Variants in FIP1L1 observed in about 807,000 individuals in gnomAD.
FIP1L1 encodes the protein pre-mRNA 3'-end-processing factor FIP1.
A neutral mutation model predicts 84.6 loss-of-function variants in FIP1L1; 21 were observed. The observed-to-expected ratio is 0.25, with a 90% CI of 0.18 to 0.36. FIP1L1 has a LOEUF of 0.36. FIP1L1 is among the 10% of genes least tolerant of loss of function. The pLI is 1.00. For missense variants in FIP1L1, 526 were observed against 751.1 expected, an observed-to-expected ratio of 0.70 and a Z score of 3.50; for synonymous variants, 263 against 242.3, an observed-to-expected ratio of 1.09 and a Z score of -0.80.
At chr4:53,416,617 G>T (rs533373078) in intron 11 of FIP1L1, among the ~76,000 whole-genome samples, 2 of 152,136 alleles carry the variant, frequency 1.3e-5, no homozygotes, top group African/African-American at 4.8e-5. Flanking sequence ...TGCTTTTCTG[G>T]CTTGTAGTAC....
At chr4:53,392,441 A>G (rs1744751725) in intron 9 of FIP1L1, among the ~76,000 whole-genome samples, 1 of 152,222 alleles carries the variant, frequency 6.6e-6, no homozygotes, top group Non-Finnish European at 1.5e-5. Context: ...TTTAATTTAC[A>G]TCCTACTTTG....
chr4:53,405,332 T>G (rs1752704193), intron 10 of FIP1L1, among the ~76,000 whole-genome samples: 1 of 152,110 alleles, frequency 6.6e-6, no homozygotes, highest in African/African-American at 2.4e-5. Flanking sequence ...CATGCGGCAT[T>G]ATTTCTGAGG....
chr4:53,390,776 TA>T, intron 7 of FIP1L1, 148 bp downstream of exon 7: 1 of 626,834 alleles, frequency 1.6e-6, no homozygotes, highest in Non-Finnish European at 2.7e-6. Context: ...TTGGGATTAT[TA>T]AATCTTACTG....
intron 15 of FIP1L1, among the ~76,000 whole-genome samples, chr4:53,451,704 T>C (rs1337922933): frequency 2.0e-5 from 3 of 152,106 alleles, no homozygotes; most frequent in South Asian, 2.1e-4. Flanking sequence ...TTCTAACTTA[T>C]ATCCTATTGT....
intron 10 of FIP1L1, among the ~76,000 whole-genome samples, chr4:53,404,721 C>A (rs1201949037): frequency 6.6e-6 from 1 of 151,732 alleles, no homozygotes; most frequent in African/African-American, 2.4e-5. Flanking sequence ...GTGTGAGATG[C>A]TATCTCATTG....
rs1278758811 is a variant in FIP1L1, at chr4:53,445,819, G to C, written c.1285+1716G>C. 4.6e-5 allele frequency among the ~76,000 whole-genome samples: 7 copies of C among 152,228 alleles called. No homozygotes were observed. The South Asian group carries it at 8.3e-4, about 18-fold the overall frequency. On this transcript the variant is annotated intron_variant, in intron 15 of 17. Transcript: ENST00000337488. The stretch of plus-strand genomic sequence containing the variant: ...TTAGGCAAATTAGGGAGGGCGGGAA[G>C]CTTTTCTTGTATCTGCATCTGTTCA...
chr4:53,439,894 A>G (rs753909160), intron 13 of FIP1L1, among the ~76,000 whole-genome samples: 1 of 152,040 alleles, frequency 6.6e-6, no homozygotes, highest in Non-Finnish European at 1.5e-5. Context: ...AAAAATATAC[A>G]TAGTTTATTC....
intron 17 of FIP1L1, 89 bp downstream of exon 17, chr4:53,458,879 C>A: frequency 7.0e-7 from 1 of 1,424,834 alleles, no homozygotes; most frequent in African/African-American, 1.4e-5. Context: ...AAATTTTGGC[C>A]TATGAACCAG....
chr4:53,414,990 CTT>C (rs1758836667), intron 11 of FIP1L1, among the ~76,000 whole-genome samples: 1 of 150,756 alleles, frequency 6.6e-6, no homozygotes, highest in Non-Finnish European at 1.5e-5. Flanking sequence ...TTTTCGTTCT[CTT>C]GCTGCAGGTT....
chr4:53,430,301 A>G (rs1409806758), intron 13 of FIP1L1, among the ~76,000 whole-genome samples: 1 of 148,352 alleles, frequency 6.7e-6, no homozygotes, highest in African/African-American at 2.5e-5. Flanking sequence ...AGGCAGTAGC[A>G]TTATCTGGAA....
At chr4:53,411,596 G>A (rs1217483335) in intron 10 of FIP1L1, among the ~76,000 whole-genome samples, 1 of 152,054 alleles carries the variant, frequency 6.6e-6, no homozygotes, top group Non-Finnish European at 1.5e-5. Context: ...TATAATACAG[G>A]GTGCACAGTA....
At chr4:53,385,593 CTAAA>C (rs756925134) in intron 5 of FIP1L1, among the ~76,000 whole-genome samples, 6 of 152,046 alleles carry the variant, frequency 3.9e-5, no homozygotes, top group Admixed American at 3.3e-4. Flanking sequence ...TGGTTATTGA[CTAAA>C]TAAACTGAAT....
intron 9 of FIP1L1, among the ~76,000 whole-genome samples, chr4:53,397,875 A>G (rs574002813): frequency 6.6e-6 from 1 of 152,286 alleles, no homozygotes; most frequent in Admixed American, 6.5e-5. Context: ...ATTAGGGGAA[A>G]TTAGTAGTTT....
At chr4:53,448,184 A>T (rs1775005751) in intron 15 of FIP1L1, among the ~76,000 whole-genome samples, 1 of 152,014 alleles carries the variant, frequency 6.6e-6, no homozygotes, top group Non-Finnish European at 1.5e-5. Flanking sequence ...TCTGAAATTA[A>T]TTTTTTAGGT....
At chr4:53,424,036 GCTAT>G (rs1210619522) in intron 11 of FIP1L1, among the ~76,000 whole-genome samples, 1 of 152,122 alleles carries the variant, frequency 6.6e-6, no homozygotes, top group Non-Finnish European at 1.5e-5. Context: ...TGGAGAATTT[GCTAT>G]CTGACTTGCA....
intron 7 of FIP1L1, 83 bp from the exon 8 acceptor site, chr4:53,390,926 A>G: frequency 2.6e-6 from 3 of 1,141,566 alleles, no homozygotes; most frequent in Admixed American, 5.7e-5. Flanking sequence ...CTAAATTTAT[A>G]TTTTTATAGT....
intron 16 of FIP1L1, among the ~76,000 whole-genome samples, chr4:53,455,557 G>A (rs1369740624): frequency 1.3e-5 from 2 of 152,054 alleles, no homozygotes; most frequent in East Asian, 3.9e-4. Context: ...GATCGGTCAA[G>A]AACATGTACA....
chr4:53,421,282 T>G (rs895697358), intron 11 of FIP1L1, among the ~76,000 whole-genome samples: 1 of 152,244 alleles, frequency 6.6e-6, no homozygotes. Flanking sequence ...ATTTTCTGCC[T>G]CTTTGAATGT....
chr4:53,420,958 T>C (rs1160214267), intron 11 of FIP1L1, among the ~76,000 whole-genome samples: 1 of 152,208 alleles, frequency 6.6e-6, no homozygotes, highest in Non-Finnish European at 1.5e-5. Context: ...CCCTTAGATT[T>C]GTAGTCTTCA....
Sources: gnomAD v4.1 joint callset for allele counts (sites outside exome capture counted in the v4.1 genomes callset) on GRCh38, gnomAD v4.1.1 for gene constraint, MANE v1.5 for transcripts, NCBI Gene and HGNC (gene_info 2026-07-23, HGNC 2026-07-21) for gene names.